Variants in SYT16 observed in about 807,000 individuals in gnomAD.
SYT16 encodes the protein synaptotagmin-16.
SYT16 carries 42 observed loss-of-function variants against 61.4 expected under a neutral mutation model. The observed-to-expected ratio is 0.68, with a 90% confidence interval of 0.53 to 0.89. The LOEUF (loss-of-function observed/expected upper bound fraction) is 0.89. Among genes scored for constraint, SYT16 ranks in the 40% least tolerant of loss-of-function variants. The probability of loss-of-function intolerance (pLI) is 0.00; values close to 1 mark genes in which losing one functional copy is unlikely to be tolerated. For missense variants in SYT16, 804 were observed against 807.3 expected, an observed-to-expected ratio of 1.00 and a Z score of 0.05; for synonymous variants, 314 against 302.3, an observed-to-expected ratio of 1.04 and a Z score of -0.40.
In SYT16 at chr14:62,104,803, A is replaced by C. The variant is rs1405331595; in HGVS notation, c.*4096A>C. ...GCCAGCCTGTATCCTGGTTTCTTCA[A>C]CTGGAAAATGGAAATAATACCTACC... On this transcript the variant is annotated 3_prime_UTR_variant, in exon 8 of 8. Coordinates refer to ENST00000683842, the MANE Select transcript of SYT16 (RefSeq NM_001367656.1). The C allele has an allele frequency of 6.6e-6, 1 of 152,190 alleles. No individual in the cohort carries two copies. The highest frequency in any genetic ancestry group is 2.4e-5 in the African/African-American group (1 of 41,456). 9.4% of individuals were successfully genotyped at this position (152,190 alleles called of 1,614,324 possible).
At chr14:61,863,273 C>G (rs533076658) in intron 1 of SYT16, among the ~76,000 whole-genome samples, 1 of 149,158 alleles carries the variant, frequency 6.7e-6, no homozygotes, top group Non-Finnish European at 1.5e-5. Flanking sequence ...TCCGCAACCT[C>G]TCCAGCATTT....
intron 1 of SYT16, among the ~76,000 whole-genome samples, chr14:61,821,145 G>A (rs554159375): frequency 6.4e-5 from 9 of 139,610 alleles, no homozygotes; most frequent in Non-Finnish European, 1.3e-4. Flanking sequence ...GCCTTCAACA[G>A]CCCTCCCCTT....
At chr14:61,940,923 G>A (rs543038207) in intron 1 of SYT16, among the ~76,000 whole-genome samples, 71 of 152,266 alleles carry the variant, frequency 4.7e-4, no homozygotes, top group African/African-American at 1.3e-3. Flanking sequence ...GATAGGCTTT[G>A]CCTTCCCTTC....
chr14:61,866,935 T>A (rs561734970), intron 1 of SYT16, among the ~76,000 whole-genome samples: 78 of 152,158 alleles, frequency 5.1e-4, no homozygotes, highest in African/African-American at 1.8e-3. Context: ...TTGCTTATGT[T>A]GTGAGCTAAG....
intron 1 of SYT16, among the ~76,000 whole-genome samples, chr14:61,814,096 T>C (rs1366977208): frequency 1.3e-5 from 2 of 152,132 alleles, no homozygotes; most frequent in Non-Finnish European, 2.9e-5. Context: ...CTTCAGTAAA[T>C]GGTGGTTGTC....
chr14:62,052,502 C>A (rs79867094), intron 3 of SYT16, among the ~76,000 whole-genome samples: 10,614 of 152,202 alleles, frequency 0.07, 474 homozygotes, highest in East Asian at 0.12. Flanking sequence ...CATATGCATG[C>A]GATTACTATG....
chr14:62,093,383 A>C (rs1465130819), intron 7 of SYT16, among the ~76,000 whole-genome samples: 1 of 152,058 alleles, frequency 6.6e-6, no homozygotes, highest in Non-Finnish European at 1.5e-5. Flanking sequence ...AAAATATATC[A>C]GTAGTCATAA....
At chr14:62,093,125 A>G (rs896968750) in intron 7 of SYT16, among the ~76,000 whole-genome samples, 3 of 152,158 alleles carry the variant, frequency 2.0e-5, no homozygotes, top group Admixed American at 2.0e-4. Flanking sequence ...AAACTAAAAC[A>G]GTTCTAAAAA....
At chr14:62,029,736 C>T (rs1048178319) in intron 3 of SYT16, among the ~76,000 whole-genome samples, 4 of 151,790 alleles carry the variant, frequency 2.6e-5, no homozygotes, top group South Asian at 2.1e-4. Context: ...GTCAATAGTT[C>T]TGTCGCTCAC....
chr14:61,840,248 G>T (rs1301790702), intron 1 of SYT16, among the ~76,000 whole-genome samples: 1 of 152,186 alleles, frequency 6.6e-6, no homozygotes, highest in Non-Finnish European at 1.5e-5. Flanking sequence ...AGAGCCTGTG[G>T]GACTTCTGGA....
intron 3 of SYT16, among the ~76,000 whole-genome samples, chr14:62,028,846 A>G (rs1307876922): frequency 6.6e-6 from 1 of 152,230 alleles, no homozygotes. Flanking sequence ...TTAATTTATA[A>G]CTATGAACTT....
In SYT16 at chr14:62,061,974, T is replaced by G. The variant is rs556744179; in HGVS notation, c.524-7629T>G. On this transcript the variant is annotated intron_variant, in intron 3 of 7. Transcript: ENST00000683842. The stretch of plus-strand genomic sequence containing the variant: ...ATGTTGTTGTGAATTTATAATTTTT[T>G]ACTTGTAGAGGGGTTAGTTTGAATC... 5.3e-5 allele frequency among the ~76,000 whole-genome samples: 8 copies of G among 149,930 alleles called. No homozygotes were observed. The East Asian group carries it at 1.6e-3, about 29-fold the overall frequency.
At chr14:62,038,299 C>G (rs2054589264) in intron 3 of SYT16, among the ~76,000 whole-genome samples, 1 of 151,232 alleles carries the variant, frequency 6.6e-6, no homozygotes, top group African/African-American at 2.4e-5. Context: ...GGTACTCTTT[C>G]CTGAGTGTGG....
At chr14:61,906,906 A>G (rs2048746362) in intron 1 of SYT16, among the ~76,000 whole-genome samples, 1 of 152,218 alleles carries the variant, frequency 6.6e-6, no homozygotes, top group South Asian at 2.1e-4. Context: ...AATGAGACAC[A>G]CAGCACTTTG....
At chr14:62,089,559 T>C (rs190787388) in intron 7 of SYT16, among the ~76,000 whole-genome samples, 3 of 152,294 alleles carry the variant, frequency 2.0e-5, no homozygotes, top group Admixed American at 2.0e-4. Flanking sequence ...ATAGGCTATT[T>C]GAAAATTACT....
intron 3 of SYT16, among the ~76,000 whole-genome samples, chr14:62,034,861 A>G (rs900031757): frequency 1.6e-4 from 24 of 152,296 alleles, no homozygotes; most frequent in Non-Finnish European, 3.2e-4. Flanking sequence ...ATGTGATTAT[A>G]TATCAATAAA....
rs183376699 is a variant in SYT16 at position 61,866,680 on chromosome 14, T to G, written c.-325+53870T>G. Among the ~76,000 whole-genome samples the G allele has an allele frequency of 3.2e-4, 48 of 152,256 alleles. No individual in the cohort carries two copies. The East Asian group carries it at 6.7e-3, about 21-fold the overall frequency. On this transcript the variant is annotated intron_variant, in intron 1 of 7. Coordinates refer to ENST00000683842, the MANE Select transcript of SYT16 (RefSeq NM_001367656.1). ...ATACAAGTTCTTTGTCAGATATGTATTTTGCAAATACTCTCCTGTAGTCTG... is the reference window on the plus strand; with the variant it reads ...ATACAAGTTCTTTGTCAGATATGTAGTTTGCAAATACTCTCCTGTAGTCTG...
intron 1 of SYT16, among the ~76,000 whole-genome samples, chr14:61,930,910 G>A (rs1285549502): frequency 1.3e-5 from 2 of 152,132 alleles, no homozygotes; most frequent in Admixed American, 6.5e-5. Flanking sequence ...CTCTTTTAGT[G>A]CTTCTGGAAT....
intron 1 of SYT16, among the ~76,000 whole-genome samples, chr14:61,961,041 G>A (rs939876380): frequency 6.6e-6 from 1 of 152,172 alleles, no homozygotes; most frequent in Non-Finnish European, 1.5e-5. Flanking sequence ...TCAATAAATG[G>A]TGCTGGGATA....
Sources: allele counts gnomAD v4.1 joint callset (sites outside exome capture counted in the v4.1 genomes callset), GRCh38; gene constraint gnomAD v4.1.1; transcripts MANE v1.5; gene names NCBI Gene and HGNC (gene_info 2026-07-23, HGNC 2026-07-21).